The following LRRTM4 variants were observed in gnomAD, a reference collection of about 807,000 sequenced individuals.
LRRTM4 encodes leucine-rich repeat transmembrane neuronal protein 4.
In LRRTM4, 25 loss-of-function variants were observed where a neutral mutation model predicts 47.6. That is an observed-to-expected ratio of 0.53 (90% CI 0.38 to 0.73). LRRTM4 has a LOEUF of 0.73. Among genes scored for constraint, LRRTM4 ranks in the 30% least tolerant of loss-of-function variants. The pLI is 0.00. For missense variants in LRRTM4, 638 were observed against 713.4 expected (o/e 0.89, Z 1.20); for synonymous variants, 311 against 269.5 (o/e 1.15, Z -1.51).
chr2:77,454,020 T>C (rs969782737), intron 3 of LRRTM4, among the ~76,000 whole-genome samples: 4 of 152,142 alleles, frequency 2.6e-5, no homozygotes, highest in Non-Finnish European at 4.4e-5. Flanking sequence ...CACAATGGAT[T>C]CCACCTGTCA....
intron 3 of LRRTM4, among the ~76,000 whole-genome samples, chr2:76,918,913 T>C (rs1302570633): frequency 6.6e-6 from 1 of 152,212 alleles, no homozygotes; most frequent in Non-Finnish European, 1.5e-5. Flanking sequence ...GGCTCAACCA[T>C]TTACTAGAAA....
At chr2:76,966,114 A>C (rs1283891232) in intron 3 of LRRTM4, among the ~76,000 whole-genome samples, 1 of 151,620 alleles carries the variant, frequency 6.6e-6, no homozygotes. Context: ...CATAGGCTAT[A>C]ATTCCCAAAC....
At chr2:76,958,283 G>T (rs569276965) in intron 3 of LRRTM4, among the ~76,000 whole-genome samples, 2 of 151,852 alleles carry the variant, frequency 1.3e-5, no homozygotes, top group East Asian at 3.9e-4. Flanking sequence ...AAAAAACTAT[G>T]ACAGAAACTC....
chr2:76,884,095 C>A (rs573205537), intron 3 of LRRTM4, among the ~76,000 whole-genome samples: 1 of 152,090 alleles, frequency 6.6e-6, no homozygotes, highest in East Asian at 1.9e-4. Flanking sequence ...GTTGAACCAC[C>A]ATGCCCAGCC....
chr2:77,318,931 G>A (rs1422956354), intron 3 of LRRTM4, among the ~76,000 whole-genome samples: 1 of 151,544 alleles, frequency 6.6e-6, no homozygotes, highest in African/African-American at 2.4e-5. Context: ...TGCACCCTCT[G>A]TATACTTAGG....
chr2:77,383,148 A>C (rs1673127499), intron 3 of LRRTM4, among the ~76,000 whole-genome samples: 1 of 152,090 alleles, frequency 6.6e-6, no homozygotes, highest in Non-Finnish European at 1.5e-5. Context: ...TCCAAAGAAA[A>C]ATGGTTGAGT....
intron 3 of LRRTM4, among the ~76,000 whole-genome samples, chr2:76,849,162 G>GTGCTT (rs1224996861): frequency 6.6e-6 from 1 of 152,074 alleles, no homozygotes; most frequent in African/African-American, 2.4e-5. Context: ...GATAGTTGCT[G>GTGCTT]TGCTTTGAGA....
chr2:77,211,588 G>C (rs1484955983), intron 3 of LRRTM4, among the ~76,000 whole-genome samples: 1 of 152,038 alleles, frequency 6.6e-6, no homozygotes, highest in East Asian at 1.9e-4. Context: ...TATATTTCTT[G>C]CTAGTTTCAG....
At position 76,781,796 on chromosome 2, in the gene LRRTM4, TC is replaced by T. The variant is rs112256190; in HGVS notation, c.1552-32881del. ...ATTGATAAATTTCCTTTGTGGCATT[TC>T]TATTTTTTTTCCTGAAGAGGACACT... On this transcript the variant is annotated intron_variant, in intron 3 of 3. Transcript: ENST00000409884. Among the ~76,000 whole-genome samples the T allele has an allele frequency of 1.5e-3, 223 of 152,130 alleles. 1 individual carries two copies. Among genetic ancestry groups the T allele is most frequent in the African/African-American group, 5.1e-3 (213 of 41,406 alleles).
chr2:77,187,465 G>A (rs1197427331), intron 3 of LRRTM4, among the ~76,000 whole-genome samples: 4 of 146,628 alleles, frequency 2.7e-5, no homozygotes, highest in Non-Finnish European at 6.0e-5. Flanking sequence ...CACACACAGG[G>A]GACTGTTGTG....
intron 3 of LRRTM4, among the ~76,000 whole-genome samples, chr2:77,016,742 A>T (rs545200668): frequency 9.9e-5 from 15 of 152,202 alleles, no homozygotes; most frequent in Non-Finnish European, 1.9e-4. Flanking sequence ...AGTGAATTAC[A>T]TATTAGAATT....
At chr2:77,179,988 A>G (rs955130303) in intron 3 of LRRTM4, among the ~76,000 whole-genome samples, 2 of 152,186 alleles carry the variant, frequency 1.3e-5, no homozygotes, top group Non-Finnish European at 2.9e-5. Context: ...GCTTATATTC[A>G]AGAGCTGAAT....
At chr2:76,936,063 A>G (rs1245831567) in intron 3 of LRRTM4, among the ~76,000 whole-genome samples, 2 of 152,188 alleles carry the variant, frequency 1.3e-5, no homozygotes, top group Non-Finnish European at 2.9e-5. Flanking sequence ...TAGAAATACC[A>G]TTTGACCCAG....
chr2:77,026,828 A>G (rs1678470839), intron 3 of LRRTM4, among the ~76,000 whole-genome samples: 1 of 152,158 alleles, frequency 6.6e-6, no homozygotes, highest in Non-Finnish European at 1.5e-5. Flanking sequence ...ATGTATTCAA[A>G]AGAAGACTGC....
Position 77,519,881 on chromosome 2 carries a change from A to C in LRRTM4, c.5-17T>G. 1 of 1,552,606 alleles carries C rather than the reference A, an allele frequency of 6.4e-7. No homozygotes were observed. The highest frequency in any genetic ancestry group is 8.7e-7 in the Non-Finnish European group (1 of 1,149,602). Reference sequence around the variant, plus strand: ...AATGGAAACCTACGATATTAAAAAAAAGACAGATGCACATTGTGAAGCTAT... The same window carrying C: ...AATGGAAACCTACGATATTAAAAAACAGACAGATGCACATTGTGAAGCTAT... On this transcript the variant is annotated splice_polypyrimidine_tract_variant and intron_variant, in intron 2 of 3. Transcript: ENST00000409884. This position sits in a 1 kb window ranked among gnomAD's most constrained non-coding sequence, Gnocchi z 4.6.
chr2:76,948,947 G>A (rs890908320), intron 3 of LRRTM4, among the ~76,000 whole-genome samples: 2 of 151,794 alleles, frequency 1.3e-5, no homozygotes, highest in Non-Finnish European at 3.0e-5. Context: ...AGCTATATGT[G>A]TGATTTGGAT....
intron 3 of LRRTM4, among the ~76,000 whole-genome samples, chr2:77,306,899 T>A (rs1043609976): frequency 1.9e-4 from 24 of 123,608 alleles, no homozygotes; most frequent in Non-Finnish European, 1.2e-4. Flanking sequence ...TTTTCCATAT[T>A]TTTTTTTTTT....
intron 3 of LRRTM4, among the ~76,000 whole-genome samples, chr2:77,093,970 C>T (rs953988615): frequency 5.3e-5 from 8 of 151,280 alleles, no homozygotes; most frequent in African/African-American, 2.0e-4. Context: ...TTTTCCTTTA[C>T]CTACCCAAAT....
intron 3 of LRRTM4, among the ~76,000 whole-genome samples, chr2:77,073,538 T>C (rs1680233477): frequency 1.3e-5 from 2 of 152,122 alleles, no homozygotes; most frequent in Admixed American, 6.5e-5. Flanking sequence ...CACAAATCAT[T>C]AGCATTTTTT....
Sources: allele counts gnomAD v4.1 joint callset (sites outside exome capture counted in the v4.1 genomes callset), GRCh38; gene constraint gnomAD v4.1.1; non-coding constraint Gnocchi (gnomAD v3.1); transcripts MANE v1.5; gene names NCBI Gene and HGNC (gene_info 2026-07-23, HGNC 2026-07-21).